Variants in NYAP2 observed in about 807,000 individuals in gnomAD.
The protein encoded by NYAP2 is neuronal tyrosine-phosphorylated phosphoinositide-3-kinase adaptor 2.
NYAP2 carries 23 observed loss-of-function variants against 50.4 expected under a neutral mutation model. The ratio of observed to expected loss-of-function variants is 0.46; its 90% CI spans 0.33 to 0.65. The LOEUF (loss-of-function observed/expected upper bound fraction) is 0.65, where lower values mean the gene tolerates loss of function less well. Among genes scored for constraint, NYAP2 ranks in the 30% least tolerant of loss-of-function variants. The pLI is 0.02. For missense variants in NYAP2, 885 were observed against 861.0 expected, an observed-to-expected ratio of 1.03 and a Z score of -0.35; for synonymous variants, 394 against 365.2, an observed-to-expected ratio of 1.08 and a Z score of -0.90.
intron 3 of NYAP2, among the ~76,000 whole-genome samples, chr2:225,410,361 A>G (rs931321394): frequency 6.6e-6 from 1 of 151,984 alleles, no homozygotes; most frequent in African/African-American, 2.4e-5. Context: ...TGTTATTTTG[A>G]TTTCTAACCA....
At chr2:225,674,692 G>A in the NYAP2 span, among the ~76,000 whole-genome samples, 4 of 152,020 alleles carry the variant, frequency 2.6e-5, no homozygotes, top group African/African-American at 9.7e-5. Flanking sequence ...CTCGATATTT[G>A]TCAAAAGTGG....
chr2:225,563,401 C>T (rs893230262), intron 4 of NYAP2, among the ~76,000 whole-genome samples: 4 of 152,108 alleles, frequency 2.6e-5, no homozygotes, highest in African/African-American at 9.7e-5. Flanking sequence ...GTTGGGAAAT[C>T]ACTTTTTTCG....
chr2:225,681,081 C>CT, the NYAP2 span, among the ~76,000 whole-genome samples: 1 of 152,160 alleles, frequency 6.6e-6, no homozygotes, highest in South Asian at 2.1e-4. Flanking sequence ...AAATTTACTG[C>CT]TTTTTTCCTT....
chr2:225,608,407 T>C (rs1692826616), intron 5 of NYAP2, among the ~76,000 whole-genome samples: 1 of 152,102 alleles, frequency 6.6e-6, no homozygotes, highest in Admixed American at 6.6e-5. Context: ...CTCATACACC[T>C]CTCTTGGGTG....
chr2:225,466,972 G>A (rs1207614820), intron 3 of NYAP2, among the ~76,000 whole-genome samples: 5 of 152,138 alleles, frequency 3.3e-5, no homozygotes, highest in Non-Finnish European at 7.4e-5. Flanking sequence ...ACTTGGGAGA[G>A]GGCCAAGTGG....
At chr2:225,472,779 C>T (rs1158017455) in intron 3 of NYAP2, among the ~76,000 whole-genome samples, 1 of 152,044 alleles carries the variant, frequency 6.6e-6, no homozygotes, top group Non-Finnish European at 1.5e-5. Flanking sequence ...TAGAAAAATG[C>T]AGTGTTACTC....
At chr2:225,679,932 T>G in the NYAP2 span, among the ~76,000 whole-genome samples, 1 of 152,176 alleles carries the variant, frequency 6.6e-6, no homozygotes, top group Non-Finnish European at 1.5e-5. Flanking sequence ...ACCACCCAGC[T>G]CTTGAGAGTT....
chr2:225,627,253 A>G (rs558365749), intron 6 of NYAP2, 127 bp downstream of exon 6: 2 of 717,698 alleles, frequency 2.8e-6, no homozygotes, highest in African/African-American at 1.8e-5. Context: ...ACCACAAGTA[A>G]CCATTCACGT....
the NYAP2 span, among the ~76,000 whole-genome samples, chr2:225,687,820 G>T: frequency 6.6e-6 from 1 of 152,114 alleles, no homozygotes. Context: ...GACAGAGAAC[G>T]GGAAAGGTCA....
intron 3 of NYAP2, among the ~76,000 whole-genome samples, chr2:225,496,794 C>A (rs1394770540): frequency 2.0e-5 from 3 of 151,874 alleles, no homozygotes; most frequent in Admixed American, 1.3e-4. Context: ...AACTGTAAAC[C>A]CTGAGGGGTG....
intron 3 of NYAP2, among the ~76,000 whole-genome samples, chr2:225,472,389 C>T (rs1230999348): frequency 2.6e-5 from 4 of 152,182 alleles, no homozygotes; most frequent in African/African-American, 7.2e-5. Flanking sequence ...GAGGAATCTG[C>T]TCCCATAGCC....
the NYAP2 span, among the ~76,000 whole-genome samples, chr2:225,694,996 A>G: frequency 2.0e-5 from 3 of 151,896 alleles, no homozygotes; most frequent in Admixed American, 2.0e-4. Context: ...TCTATCAATC[A>G]AGTGGACATA....
At chr2:225,565,595 T>C (rs946522056) in intron 4 of NYAP2, among the ~76,000 whole-genome samples, 1 of 152,138 alleles carries the variant, frequency 6.6e-6, no homozygotes. Flanking sequence ...TATGCTCTCC[T>C]ATCTTCCAAT....
At chr2:225,653,346 CA>C (rs1693767868) in exon 7 of NYAP2, 1 of 152,230 alleles carries the variant, frequency 6.6e-6, no homozygotes, top group Non-Finnish European at 1.5e-5. Context: ...TAAGCCCCTT[CA>C]AACTCTCAAT....
intron 3 of NYAP2, among the ~76,000 whole-genome samples, chr2:225,421,427 G>C (rs1052193635): frequency 6.6e-6 from 1 of 152,006 alleles, no homozygotes; most frequent in Non-Finnish European, 1.5e-5. Context: ...TTTACTTAGG[G>C]GACAGATGAC....
intron 3 of NYAP2, among the ~76,000 whole-genome samples, chr2:225,462,177 G>A (rs989811157): frequency 6.6e-6 from 1 of 152,164 alleles, no homozygotes; most frequent in African/African-American, 2.4e-5. Flanking sequence ...TTAGATCATT[G>A]GATTTGCTAT....
At chr2:225,440,897 G>A (rs992747539) in intron 3 of NYAP2, among the ~76,000 whole-genome samples, 20 of 152,282 alleles carry the variant, frequency 1.3e-4, no homozygotes, top group East Asian at 1.9e-4. Flanking sequence ...CTTTAGAGAC[G>A]TCAAACAAAA....
chr2:225,502,651 T>C (rs1690627020), intron 3 of NYAP2, among the ~76,000 whole-genome samples: 2 of 152,216 alleles, frequency 1.3e-5, no homozygotes, highest in African/African-American at 4.8e-5. Flanking sequence ...AATCCCCTTC[T>C]TCCCCACTTC....
At chr2:225,529,777 G>A (rs1207855300) in intron 4 of NYAP2, among the ~76,000 whole-genome samples, 2 of 152,056 alleles carry the variant, frequency 1.3e-5, no homozygotes, top group African/African-American at 2.4e-5. Flanking sequence ...GCACTATCTT[G>A]GCTCACTGCA....
Sources: allele counts gnomAD v4.1 joint callset (sites outside exome capture counted in the v4.1 genomes callset), GRCh38; gene constraint gnomAD v4.1.1; transcripts MANE v1.5; gene names NCBI Gene and HGNC (gene_info 2026-07-23, HGNC 2026-07-21).